SLC8A1: variants seen among roughly 807,000 people sequenced by gnomAD.
SLC8A1 encodes the protein sodium/calcium exchanger 1.
A neutral mutation model predicts 68.3 loss-of-function variants in SLC8A1; 18 were observed. That is an observed-to-expected ratio of 0.26 (90% CI 0.18 to 0.39). The LOEUF (loss-of-function observed/expected upper bound fraction) is 0.39. Among genes scored for constraint, SLC8A1 ranks in the 10% least tolerant of loss-of-function variants. The pLI is 1.00. For missense variants in SLC8A1, 985 were observed against 1,156.7 expected (o/e 0.85, Z 2.15); for synonymous variants, 475 against 415.5 (o/e 1.14, Z -1.74).
chr2:40,296,022 G>C (rs1303157111), intron 2 of SLC8A1, among the ~76,000 whole-genome samples: 1 of 151,958 alleles, frequency 6.6e-6, no homozygotes, highest in East Asian at 1.9e-4. Flanking sequence ...TTTGAGAATT[G>C]TGTTTATTGT....
chr2:40,121,829 T>C (rs1337581889), intron 7 of SLC8A1, among the ~76,000 whole-genome samples: 1 of 152,200 alleles, frequency 6.6e-6, no homozygotes, highest in African/African-American at 2.4e-5. Context: ...TAAAAATTAT[T>C]AATTTGACAA....
rs550543033 is a variant in SLC8A1, at chr2:40,231,583, G to A, written c.1809-53728C>T. The stretch of plus-strand genomic sequence containing the variant: ...CAAATGGGTTTTCCATCTATCATGA[G>A]TCTAGTGTTCTCACCTTTGTCTTAC... On this transcript the variant is annotated intron_variant, in intron 2 of 7. Coordinates refer to ENST00000406785, the Ensembl canonical transcript of SLC8A1. Among the ~76,000 whole-genome samples the A allele has an allele frequency of 3.3e-5, 5 of 152,092 alleles. No individual in the cohort carries two copies. In the South Asian group the frequency reaches 8.3e-4, roughly 25 times the overall value.
intron 4 of SLC8A1, among the ~76,000 whole-genome samples, chr2:40,167,110 C>G (rs947963497): frequency 3.9e-5 from 6 of 152,166 alleles, no homozygotes; most frequent in African/African-American, 1.4e-4. Flanking sequence ...TATTAAATAA[C>G]TGGACATGGA....
intron 7 of SLC8A1, chr2:40,120,781 C>T (rs1355221410): frequency 6.6e-6 from 1 of 152,218 alleles, no homozygotes; most frequent in Admixed American, 6.5e-5. Flanking sequence ...ATGGCACAGT[C>T]ATTTACCTTT....
At chr2:40,498,289 G>A (rs1333311535) in intron 1 of SLC8A1, among the ~76,000 whole-genome samples, 1 of 151,946 alleles carries the variant, frequency 6.6e-6, no homozygotes, top group East Asian at 1.9e-4. Flanking sequence ...TAAACATGAT[G>A]GTAAAACAGT....
At chr2:40,182,717 G>A (rs1248191562) in intron 2 of SLC8A1, among the ~76,000 whole-genome samples, 1 of 152,140 alleles carries the variant, frequency 6.6e-6, no homozygotes, top group Non-Finnish European at 1.5e-5. Flanking sequence ...CAGACAGTCA[G>A]AAAAGAAAGA....
At chr2:40,412,673 C>T (rs1403347226) in intron 2 of SLC8A1, among the ~76,000 whole-genome samples, 1 of 152,132 alleles carries the variant, frequency 6.6e-6, no homozygotes. Context: ...CTGCTATATT[C>T]ACTGGCTAAT....
At chr2:40,287,086 A>C (rs2068441158) in intron 2 of SLC8A1, among the ~76,000 whole-genome samples, 1 of 152,224 alleles carries the variant, frequency 6.6e-6, no homozygotes, top group South Asian at 2.1e-4. Flanking sequence ...TTTGGAACTC[A>C]GTAAGCAATG....
chr2:40,480,820 A>G (rs1413461152), intron 1 of SLC8A1, among the ~76,000 whole-genome samples: 2 of 152,202 alleles, frequency 1.3e-5, no homozygotes, highest in Non-Finnish European at 2.9e-5. Flanking sequence ...ACGACGTTAT[A>G]CAGGCTAATT....
intron 2 of SLC8A1, among the ~76,000 whole-genome samples, chr2:40,192,366 T>G (rs5830612): frequency 0.16 from 18,163 of 116,876 alleles, 1,197 homozygotes; most frequent in African/African-American, 0.17. Context: ...CCTTTTAGAG[T>G]TTTTTTTACA....
chr2:40,489,669 G>A (rs1705192627), intron 1 of SLC8A1, among the ~76,000 whole-genome samples: 1 of 152,038 alleles, frequency 6.6e-6, no homozygotes, highest in Non-Finnish European at 1.5e-5. Context: ...AAAGCTTGAA[G>A]ACAAAAGAAC....
At chr2:40,325,782 A>G (rs1303229513) in intron 2 of SLC8A1, among the ~76,000 whole-genome samples, 1 of 146,094 alleles carries the variant, frequency 6.8e-6, no homozygotes, top group East Asian at 2.0e-4. Flanking sequence ...AAATACAAAA[A>G]AAAAAAAAAA....
chr2:40,135,489 A>AG (rs2040329980), intron 7 of SLC8A1, among the ~76,000 whole-genome samples: 1 of 151,978 alleles, frequency 6.6e-6, no homozygotes, highest in Non-Finnish European at 1.5e-5. Context: ...GAGGGGTGGC[A>AG]GGGGGATCAC....
intron 1 of SLC8A1, among the ~76,000 whole-genome samples, chr2:40,510,775 AAT>A (rs1348251234): frequency 6.6e-6 from 1 of 152,160 alleles, no homozygotes; most frequent in African/African-American, 2.4e-5. Context: ...GAAATATAGA[AAT>A]ATGTTATTTT....
intron 2 of SLC8A1, among the ~76,000 whole-genome samples, chr2:40,258,671 G>A (rs553473834): frequency 5.9e-5 from 9 of 152,036 alleles, no homozygotes; most frequent in Admixed American, 2.0e-4. Flanking sequence ...TGAAACCCCC[G>A]TCTCTACTAA....
intron 1 of SLC8A1, among the ~76,000 whole-genome samples, chr2:40,449,323 A>C (rs912113211): frequency 6.6e-5 from 10 of 152,130 alleles, no homozygotes; most frequent in Admixed American, 5.2e-4. Flanking sequence ...CTCATCATTT[A>C]TTTTGTCAAA....
intron 2 of SLC8A1, among the ~76,000 whole-genome samples, chr2:40,377,211 T>G (rs1331877846): frequency 6.6e-6 from 1 of 152,094 alleles, no homozygotes; most frequent in East Asian, 2.0e-4. Context: ...AAGAAGAAAC[T>G]CAAAGACATT....
intron 2 of SLC8A1, among the ~76,000 whole-genome samples, chr2:40,315,289 A>G (rs952260372): frequency 6.6e-6 from 1 of 152,020 alleles, no homozygotes; most frequent in Middle Eastern, 3.4e-3. Context: ...TATGGTGGTT[A>G]TCAATACAGT....
chr2:40,471,260 G>A (rs926632777), intron 1 of SLC8A1, among the ~76,000 whole-genome samples: 3 of 152,132 alleles, frequency 2.0e-5, no homozygotes, highest in Non-Finnish European at 4.4e-5. Flanking sequence ...CAGGGCCGTG[G>A]ACCCAGGGTT....
Sources: gnomAD v4.1 joint callset for allele counts (sites outside exome capture counted in the v4.1 genomes callset) on GRCh38, gnomAD v4.1.1 for gene constraint, MANE v1.5 for transcripts, NCBI Gene and HGNC (gene_info 2026-07-23, HGNC 2026-07-21) for gene names.